THSD4: variants seen among roughly 807,000 people sequenced by gnomAD.
THSD4 encodes the protein thrombospondin type 1 domain containing 4.
In THSD4, 69 loss-of-function variants were observed where a neutral mutation model predicts 119.0. That is an observed-to-expected ratio of 0.58 (90% confidence interval 0.48 to 0.71). The LOEUF is 0.71. Among genes scored for constraint, THSD4 ranks in the 30% least tolerant of loss-of-function variants. THSD4 has a pLI of 0.00. For missense variants in THSD4, 1,393 were observed against 1,391.1 expected (o/e 1.00, Z -0.02); for synonymous variants, 524 against 540.4 (o/e 0.97, Z 0.42).
At chr15:71,320,289 T>C (rs932116550) in intron 6 of THSD4, among the ~76,000 whole-genome samples, 6 of 152,234 alleles carry the variant, frequency 3.9e-5, no homozygotes, top group African/African-American at 1.2e-4. Context: ...AAAACATCTT[T>C]GTATATTTGG....
At chr15:71,240,963 G>A (rs2044148126) in intron 4 of THSD4, among the ~76,000 whole-genome samples, 1 of 152,076 alleles carries the variant, frequency 6.6e-6, no homozygotes, top group African/African-American at 2.4e-5. Flanking sequence ...CTGTGGCGTG[G>A]TTTAATTCCA....
At chr15:71,438,738 C>T (rs1341738903) in intron 7 of THSD4, among the ~76,000 whole-genome samples, 1 of 152,144 alleles carries the variant, frequency 6.6e-6, no homozygotes, top group Admixed American at 6.6e-5. Context: ...TTAGAACATA[C>T]ATTTCGAAAA....
intron 8 of THSD4, among the ~76,000 whole-genome samples, chr15:71,693,905 C>T (rs1051095759): frequency 1.3e-5 from 2 of 152,036 alleles, no homozygotes; most frequent in African/African-American, 4.8e-5. Flanking sequence ...TCCATTAAGC[C>T]TGTTTCCTTT....
intron 6 of THSD4, among the ~76,000 whole-genome samples, chr15:71,399,306 TAG>T (rs936217922): frequency 3.3e-5 from 5 of 152,130 alleles, no homozygotes; most frequent in Non-Finnish European, 7.4e-5. Context: ...GTCTAACATA[TAG>T]TAGGTGCTCA....
chr15:71,522,623 C>T (rs559510165), intron 7 of THSD4, among the ~76,000 whole-genome samples: 1 of 152,258 alleles, frequency 6.6e-6, no homozygotes, highest in Non-Finnish European at 1.5e-5. Context: ...TAATATGTGC[C>T]CAATAAACAC....
At chr15:71,442,170 T>G (rs1454741577) in intron 7 of THSD4, among the ~76,000 whole-genome samples, 4 of 151,792 alleles carry the variant, frequency 2.6e-5, no homozygotes, top group Non-Finnish European at 4.4e-5. Flanking sequence ...GTGTTGGCCA[T>G]GATGGTCTCC....
chr15:71,740,595 G>C (rs768127855), intron 11 of THSD4, among the ~76,000 whole-genome samples: 1 of 152,120 alleles, frequency 6.6e-6, no homozygotes, highest in African/African-American at 2.4e-5. Flanking sequence ...TCCTCCAGAC[G>C]CTCCCACGGT....
chr15:71,158,865 C>T (rs949877023), intron 3 of THSD4, among the ~76,000 whole-genome samples: 2 of 152,126 alleles, frequency 1.3e-5, no homozygotes, highest in South Asian at 4.1e-4. Context: ...CTTTTGTTTC[C>T]TGTGCTTTTG....
chr15:71,725,665 C>G (rs1051117863), intron 8 of THSD4, among the ~76,000 whole-genome samples: 1 of 151,840 alleles, frequency 6.6e-6, no homozygotes, highest in Non-Finnish European at 1.5e-5. Flanking sequence ...TGGGAAACAC[C>G]CATTGGATTT....
At chr15:71,671,888 C>A (rs1266563975) in intron 8 of THSD4, among the ~76,000 whole-genome samples, 2 of 152,104 alleles carry the variant, frequency 1.3e-5, no homozygotes, top group Admixed American at 6.6e-5. Flanking sequence ...GTTACTGTAG[C>A]CTTGTAGTAT....
At chr15:71,583,764 A>G (rs191570201) in intron 7 of THSD4, among the ~76,000 whole-genome samples, 90 of 152,334 alleles carry the variant, frequency 5.9e-4, no homozygotes, top group Admixed American at 4.7e-3. Context: ...TTTTGATCAG[A>G]AAGATACTTG....
At chr15:71,567,292 G>C (rs1219540190) in intron 7 of THSD4, among the ~76,000 whole-genome samples, 3 of 152,134 alleles carry the variant, frequency 2.0e-5, no homozygotes, top group African/African-American at 7.2e-5. Context: ...CTGAGTGCCA[G>C]TGGTTCCTTT....
chr15:71,603,031 C>T (rs1162368319), intron 7 of THSD4, among the ~76,000 whole-genome samples: 3 of 152,226 alleles, frequency 2.0e-5, no homozygotes, highest in African/African-American at 7.2e-5. Flanking sequence ...GCTATGTTGC[C>T]TCTGTCCTTT....
upstream of THSD4, chr15:71,111,386 G>A (rs768247724): frequency 6.2e-7 from 1 of 1,612,762 alleles, no homozygotes; most frequent in Non-Finnish European, 8.5e-7. Context: ...CCCCAGGCAA[G>A]GGCACAGGAA....
chr15:71,730,076 A>G (rs1414217518), intron 9 of THSD4: 1 of 152,238 alleles, frequency 6.6e-6, no homozygotes, highest in Non-Finnish European at 1.5e-5. Context: ...ATAAACAGGA[A>G]GAATAGACAC....
At chr15:71,572,897 C>A (rs553749736) in intron 7 of THSD4, among the ~76,000 whole-genome samples, 69 of 152,184 alleles carry the variant, frequency 4.5e-4, no homozygotes, top group African/African-American at 1.5e-3. Context: ...TAGGTATGTG[C>A]CAGGTCTTTG....
chr15:71,535,156 G>C (rs2048671814), intron 7 of THSD4, among the ~76,000 whole-genome samples: 1 of 152,170 alleles, frequency 6.6e-6, no homozygotes. Context: ...CCTCGGGCCT[G>C]TGAAACAACT....
At position 71,737,912 on chromosome 15, in the gene THSD4, A is replaced by C. The variant is rs1043795640; in HGVS notation, c.1811A>C (p.Asn604Thr). ...PDRFSPHRPD[N>T]LVPPAPQPPR... ...AGATTTTCTCCCCATCGACCGGACA[A>C]CTTGGTGCCACCAGCACCGCAGCCC... Residue 604 changes from asparagine (N) to threonine (T), a missense_variant, in exon 11 of 18, where the codon AAC becomes ACC. Coordinates refer to ENST00000261862, the MANE Select transcript of THSD4 (RefSeq NM_024817.3). The C allele has an allele frequency of 1.4e-5, 23 of 1,614,244 alleles. No individual in the cohort carries two copies. The highest frequency in any genetic ancestry group is 2.2e-5 in the East Asian group (1 of 44,884).
chr15:71,214,852 T>C (rs1249663895), intron 3 of THSD4, among the ~76,000 whole-genome samples, 183 bp from the exon 4 acceptor site: 2 of 152,108 alleles, frequency 1.3e-5, no homozygotes, highest in Non-Finnish European at 2.9e-5. Context: ...TAGGCATTTT[T>C]GCCTTCGCGG....
Sources: gnomAD v4.1 joint callset for allele counts (sites outside exome capture counted in the v4.1 genomes callset) on GRCh38, gnomAD v4.1.1 for gene constraint, MANE v1.5 for transcripts, NCBI Gene and HGNC (gene_info 2026-07-23, HGNC 2026-07-21) for gene names.